The following SLC9C1 variants were observed in gnomAD, a reference collection of about 807,000 sequenced individuals.
The protein encoded by SLC9C1 is sodium/hydrogen exchanger 10.
SLC9C1 carries 97 observed loss-of-function variants against 140.9 expected under a neutral mutation model. The observed-to-expected ratio is 0.69, with a 90% CI of 0.58 to 0.82. The LOEUF (loss-of-function observed/expected upper bound fraction) is 0.82. Ranked by LOEUF, SLC9C1 falls within the 40% of genes least tolerant of loss-of-function variation. SLC9C1 has a pLI of 0.00. For missense variants in SLC9C1, 1,340 were observed against 1,389.3 expected (o/e 0.96, Z 0.56); for synonymous variants, 440 against 442.6 (o/e 0.99, Z 0.07).
chr3:112,218,452 T>A (rs77714269), intron 14 of SLC9C1, among the ~76,000 whole-genome samples: 22,192 of 147,542 alleles, frequency 0.15, 2,099 homozygotes, highest in Middle Eastern at 0.22. Context: ...TATATTTTTT[T>A]TTTTACTACA....
intron 23 of SLC9C1, among the ~76,000 whole-genome samples, chr3:112,170,169 G>A (rs1164106888): frequency 1.3e-5 from 2 of 152,104 alleles, no homozygotes; most frequent in Admixed American, 6.5e-5. Flanking sequence ...AATAGCTTCT[G>A]TACCACAAAA....
intron 10 of SLC9C1, among the ~76,000 whole-genome samples, 176 bp from the exon 11 acceptor site, chr3:112,244,252 T>G (rs1179125341): frequency 6.6e-6 from 1 of 152,208 alleles, no homozygotes; most frequent in Non-Finnish European, 1.5e-5. Flanking sequence ...CTGGGTATTC[T>G]CTATCTTCCT....
intron 28 of SLC9C1, among the ~76,000 whole-genome samples, chr3:112,144,338 C>T (rs1432535516): frequency 6.6e-6 from 1 of 151,800 alleles, no homozygotes; most frequent in Non-Finnish European, 1.5e-5. Context: ...CCATCAAGCC[C>T]AGCTATTTTT....
intron 15 of SLC9C1, among the ~76,000 whole-genome samples, chr3:112,212,897 A>T (rs901311579): frequency 6.6e-6 from 1 of 152,222 alleles, no homozygotes; most frequent in Admixed American, 6.5e-5. Context: ...CCCAAGACAC[A>T]TAATTGTCAG....
intron 10 of SLC9C1, among the ~76,000 whole-genome samples, chr3:112,245,269 T>C (rs1181906463): frequency 6.6e-6 from 1 of 152,208 alleles, no homozygotes; most frequent in Non-Finnish European, 1.5e-5. Context: ...ACATCTTTCT[T>C]TTTGAAGAAG....
chr3:112,150,840 A>ATATATTT (rs1331641000), intron 28 of SLC9C1, among the ~76,000 whole-genome samples: 5 of 57,324 alleles, frequency 8.7e-5, no homozygotes, highest in African/African-American at 3.6e-4. Flanking sequence ...ATATATATAT[A>ATATATTT]TTTTTTTTTT....
chr3:112,277,945 C>T lies in SLC9C1; in HGVS notation c.319-85G>A, dbSNP rs2080260543. Reference sequence around the variant, plus strand: ...AAAATAATCAGGATTATTGGAGATACAGAATCAACCAACACCAACAGTACC... The same window carrying T: ...AAAATAATCAGGATTATTGGAGATATAGAATCAACCAACACCAACAGTACC... On this transcript the variant is annotated intron_variant, in intron 4 of 28. Transcript: ENST00000305815. 6 of 1,168,786 alleles carry T rather than the reference C, an allele frequency of 5.1e-6. No homozygotes were observed. In the East Asian group the frequency reaches 1.3e-4, roughly 25 times the overall value. The allele number at this position is 1,168,786 out of a possible 1,614,324, so 72.4% of individuals were successfully genotyped here.
chr3:112,276,206 T>G (rs1001168832), intron 5 of SLC9C1, among the ~76,000 whole-genome samples: 8 of 152,142 alleles, frequency 5.3e-5, no homozygotes, highest in Non-Finnish European at 1.0e-4. Flanking sequence ...CTGATATTAT[T>G]GTATAATTAT....
Position 112,152,153 on chromosome 3 carries a change from C to T in SLC9C1, c.3418-190G>A. ...CTGCACTCAGCATAGGGAAGACCCGCACCGGCACTGGTCTCTGAGTTCCCT... is the reference window on the plus strand; with the variant it reads ...CTGCACTCAGCATAGGGAAGACCCGTACCGGCACTGGTCTCTGAGTTCCCT... On this transcript the variant is annotated intron_variant, in intron 27 of 28. Transcript: ENST00000305815. Among the ~76,000 whole-genome samples the T allele has an allele frequency of 1.3e-5, 2 of 152,188 alleles. 1 individual carries two copies. The highest frequency in any genetic ancestry group is 1.3e-4 in the Admixed American group (2 of 15,276).
intron 27 of SLC9C1, 52 bp from the exon 28 acceptor site, chr3:112,152,015 G>A: frequency 1.4e-6 from 2 of 1,435,446 alleles, no homozygotes; most frequent in Non-Finnish European, 1.9e-6. Flanking sequence ...CTTTTGAAGG[G>A]GGCCTGCCCC....
chr3:112,146,477 T>A (rs1335105969), intron 28 of SLC9C1, among the ~76,000 whole-genome samples: 2 of 152,194 alleles, frequency 1.3e-5, no homozygotes, highest in Non-Finnish European at 2.9e-5. Context: ...TTAACACTGG[T>A]TTTGCTGTAT....
chr3:112,195,560 T>C (rs2077751752), intron 20 of SLC9C1, among the ~76,000 whole-genome samples: 1 of 152,132 alleles, frequency 6.6e-6, no homozygotes, highest in Non-Finnish European at 1.5e-5. Flanking sequence ...TTGTGTTAAG[T>C]TGATTTTTTA....
At chr3:112,242,620 G>A (rs937455952) in intron 11 of SLC9C1, among the ~76,000 whole-genome samples, 13 of 152,074 alleles carry the variant, frequency 8.5e-5, no homozygotes, top group African/African-American at 2.7e-4. Context: ...TTGATAGCAC[G>A]ATAGGGTGAC....
At chr3:112,289,254 C>T (rs551785840) in intron 1 of SLC9C1, among the ~76,000 whole-genome samples, 2 of 152,244 alleles carry the variant, frequency 1.3e-5, no homozygotes, top group South Asian at 2.1e-4. Flanking sequence ...GATGACTCAC[C>T]ATGGGAAACC....
At chr3:112,208,533 T>C (rs1560068022) in intron 15 of SLC9C1, among the ~76,000 whole-genome samples, 160 bp from the exon 16 acceptor site, 1 of 152,128 alleles carries the variant, frequency 6.6e-6, no homozygotes. Context: ...CCACTTCAGA[T>C]ACTGTCCTTT....
At chr3:112,253,271 G>T (rs553942515) in intron 10 of SLC9C1, among the ~76,000 whole-genome samples, 1 of 152,124 alleles carries the variant, frequency 6.6e-6, no homozygotes, top group African/African-American at 2.4e-5. Context: ...GCCAAGTTGG[G>T]GAAGGCAACA....
chr3:112,163,881 C>A (rs1267490041), intron 26 of SLC9C1, among the ~76,000 whole-genome samples: 1 of 151,872 alleles, frequency 6.6e-6, no homozygotes, highest in African/African-American at 2.4e-5. Flanking sequence ...GTGTTAAAGT[C>A]TCCCATTATT....
Position 112,286,810 on chromosome 3 carries a change from T to G in SLC9C1, c.-19A>C, listed in dbSNP as rs776450990. On this transcript the variant is annotated 5_prime_UTR_variant, in exon 2 of 29. Coordinates refer to ENST00000305815, the MANE Select transcript of SLC9C1 (RefSeq NM_183061.3). ...CAGCCATGTTTCAGAAAAATTTTTATGCAGATTTATGTTAGAAGCAATCTC... is the reference window on the plus strand; with the variant it reads ...CAGCCATGTTTCAGAAAAATTTTTAGGCAGATTTATGTTAGAAGCAATCTC... The G allele has an allele frequency of 9.5e-5, 150 of 1,572,804 alleles. No individual in the cohort carries two copies. Among genetic ancestry groups the G allele is most frequent in the Non-Finnish European group, 1.8e-5 (21 of 1,145,384 alleles).
At chr3:112,283,288 G>A (rs1419910215) in intron 2 of SLC9C1, among the ~76,000 whole-genome samples, 2 of 152,056 alleles carry the variant, frequency 1.3e-5, no homozygotes, top group African/African-American at 4.8e-5. Flanking sequence ...TTCCAGACTA[G>A]TCCTGGCAAC....
Sources: gnomAD v4.1 joint callset for allele counts (sites outside exome capture counted in the v4.1 genomes callset) on GRCh38, gnomAD v4.1.1 for gene constraint, MANE v1.5 for transcripts, NCBI Gene and HGNC (gene_info 2026-07-23, HGNC 2026-07-21) for gene names.